The following STK3 variants were observed in gnomAD, a reference collection of about 807,000 sequenced individuals.
STK3 encodes the protein serine/threonine kinase 3.
Under a neutral mutation model 58.0 loss-of-function variants are expected in STK3, and 41 were observed. The observed-to-expected ratio is 0.71, with a 90% CI of 0.55 to 0.92. The LOEUF is 0.92. STK3 is among the 40% of genes least tolerant of loss of function. STK3 has a pLI of 0.00. For synonymous variants in STK3, 170 were observed against 191.0 expected (o/e 0.89, Z 0.91); for missense variants, 479 against 602.7 (o/e 0.79, Z 2.15).
chr8:98,416,719 T>C (rs918802307), intron 3 of STK3, among the ~76,000 whole-genome samples: 3 of 152,256 alleles, frequency 2.0e-5, no homozygotes, highest in African/African-American at 7.2e-5. Context: ...TAGTCATTGT[T>C]TGCATTCCTA....
intron 1 of STK3, among the ~76,000 whole-genome samples, chr8:98,803,054 G>C (rs908314390): frequency 6.6e-6 from 1 of 152,190 alleles, no homozygotes; most frequent in East Asian, 1.9e-4. Context: ...CAGACAACAG[G>C]GTTTCCCTTG....
At chr8:98,698,377 TTGTTA>T (rs1483404366) in intron 6 of STK3, among the ~76,000 whole-genome samples, 6 of 152,080 alleles carry the variant, frequency 3.9e-5, no homozygotes, top group Admixed American at 3.9e-4. Flanking sequence ...AAAGTTAATA[TTGTTA>T]TGTGTGAATT....
intron 1 of STK3, among the ~76,000 whole-genome samples, chr8:98,775,896 T>C (rs1831644263): frequency 6.6e-6 from 1 of 152,194 alleles, no homozygotes; most frequent in Non-Finnish European, 1.5e-5. Context: ...AGCAAAGATA[T>C]ATCATGATGA....
At chr8:98,895,462 G>T (rs1838410259) in intron 1 of STK3, among the ~76,000 whole-genome samples, 1 of 152,132 alleles carries the variant, frequency 6.6e-6, no homozygotes, top group South Asian at 2.1e-4. Flanking sequence ...CAGCTCCAGG[G>T]TTAGACTGGA....
At chr8:98,712,022 C>A (rs573224367) in intron 4 of STK3, among the ~76,000 whole-genome samples, 1 of 152,280 alleles carries the variant, frequency 6.6e-6, no homozygotes, top group African/African-American at 2.4e-5. Context: ...AATTTCATAT[C>A]CAGCCAAACT....
intron 8 of STK3, 105 bp from the exon 9 acceptor site, chr8:98,548,266 A>T: frequency 2.4e-6 from 2 of 823,974 alleles, no homozygotes; most frequent in Non-Finnish European, 3.3e-6. Flanking sequence ...CTTATTAAAA[A>T]TACTATTAGT....
chr8:98,738,653 C>T (rs540997495), intron 4 of STK3, among the ~76,000 whole-genome samples: 2 of 152,298 alleles, frequency 1.3e-5, no homozygotes, highest in South Asian at 2.1e-4. Context: ...CAGCTCCCAG[C>T]GTGAGCGACG....
At chr8:98,826,389 G>A (rs1426605855), upstream of STK3, among the ~76,000 whole-genome samples, 1 of 152,098 alleles carries the variant, frequency 6.6e-6, no homozygotes, top group African/African-American at 2.4e-5. Context: ...CAAGCTCCTC[G>A]CTACATTTCA....
At chr8:98,595,178 T>C (rs952157772) in intron 7 of STK3, 1 of 152,226 alleles carries the variant, frequency 6.6e-6, no homozygotes, top group Non-Finnish European at 1.5e-5. Context: ...TACTGGCATC[T>C]ATGGAGATTG....
intron 1 of STK3, among the ~76,000 whole-genome samples, chr8:98,893,454 GAAAGAAAGAAAGAAAGAAAGAA>G (rs1838293583): frequency 2.2e-5 from 2 of 89,866 alleles, no homozygotes; most frequent in African/African-American, 1.0e-4. Context: ...AAGAAAGAAA[GAAAGAAAGAAAGAAAGAAAGAA>G]AGAAAGAAAG....
rs773357364 is a variant in STK3, at chr8:98,737,612, C to T, written c.351+11664G>A. ...AGCATTCTTAGATACTAGCATTAGC[C>T]GACTAGAAAATATAACAGCAACAAA... On this transcript the variant is annotated intron_variant, in intron 4 of 10. Transcript: ENST00000419617. 3.9e-5 allele frequency among the ~76,000 whole-genome samples: 6 copies of T among 152,154 alleles called. No homozygotes were observed. The South Asian group carries it at 6.2e-4, about 16-fold the overall frequency.
At chr8:98,921,331 G>C (rs527354065) in intron 1 of STK3, 1 of 152,004 alleles carries the variant, frequency 6.6e-6, no homozygotes, top group Non-Finnish European at 1.5e-5. Context: ...TTGTCTGGAG[G>C]TTCTAGCAGG....
intron 4 of STK3, among the ~76,000 whole-genome samples, chr8:98,718,784 ATT>A (rs1236207576): frequency 6.6e-6 from 1 of 152,008 alleles, no homozygotes; most frequent in African/African-American, 2.4e-5. Flanking sequence ...ATTATATAAT[ATT>A]GTTATTTATT....
chr8:98,377,247 A>T (rs1471720334), intron 2 of STK3, among the ~76,000 whole-genome samples: 1 of 152,184 alleles, frequency 6.6e-6, no homozygotes, highest in Non-Finnish European at 1.5e-5. Flanking sequence ...AAAATGCATC[A>T]ACATTGCTAT....
chr8:98,931,593 A>T (rs935625475), intron 1 of STK3, among the ~76,000 whole-genome samples: 4 of 152,224 alleles, frequency 2.6e-5, no homozygotes, highest in African/African-American at 9.6e-5. Flanking sequence ...GGTTGTAATG[A>T]GGTAACAGTG....
intron 8 of STK3, among the ~76,000 whole-genome samples, chr8:98,561,525 G>A (rs1171334483): frequency 6.6e-6 from 1 of 152,024 alleles, no homozygotes; most frequent in African/African-American, 2.4e-5. Flanking sequence ...CACTTCAGCT[G>A]GGCATGGTGG....
chr8:98,923,065 T>C (rs1839632557), intron 1 of STK3, among the ~76,000 whole-genome samples: 1 of 152,236 alleles, frequency 6.6e-6, no homozygotes. Flanking sequence ...GGTTTCAAAA[T>C]GTTTGATGTT....
chr8:98,607,066 A>C (rs1816835518), intron 6 of STK3, among the ~76,000 whole-genome samples: 1 of 152,188 alleles, frequency 6.6e-6, no homozygotes, highest in Admixed American at 6.5e-5. Context: ...ACCACAGTAC[A>C]CTCAATTTGT....
At chr8:98,429,131 C>A (rs772706491) in intron 3 of STK3, 1 of 1,613,322 alleles carries the variant, frequency 6.2e-7, no homozygotes, top group Non-Finnish European at 8.5e-7. Context: ...TCCCAGGGAC[C>A]ACGGCAGGAA....
Sources: gnomAD v4.1 joint callset for allele counts (sites outside exome capture counted in the v4.1 genomes callset) on GRCh38, gnomAD v4.1.1 for gene constraint, MANE v1.5 for transcripts, NCBI Gene and HGNC (gene_info 2026-07-23, HGNC 2026-07-21) for gene names.